SUPT20H: variants seen among roughly 807,000 people sequenced by gnomAD.
SUPT20H encodes the protein transcription factor SPT20 homolog.
A neutral mutation model predicts 122.8 loss-of-function variants in SUPT20H; 82 were observed. That is an observed-to-expected ratio of 0.67 (90% CI 0.56 to 0.80). The LOEUF is 0.80. Among genes scored for constraint, SUPT20H ranks in the 30% least tolerant of loss-of-function variants. The pLI, the probability that SUPT20H is intolerant of heterozygous loss-of-function variation, is 0.00. For synonymous variants in SUPT20H, 291 were observed against 313.0 expected, an observed-to-expected ratio of 0.93 and a Z score of 0.74; for missense variants, 831 against 921.6, an observed-to-expected ratio of 0.90 and a Z score of 1.27.
At chr13:37,058,053 C>A (rs1025154406) in intron 1 of SUPT20H, among the ~76,000 whole-genome samples, 4 of 149,974 alleles carry the variant, frequency 2.7e-5, no homozygotes, top group African/African-American at 9.8e-5. Flanking sequence ...CACTTGAGGT[C>A]AGGAATTCGA....
At chr13:37,044,368 A>G (rs370268385) in intron 6 of SUPT20H, among the ~76,000 whole-genome samples, 187 bp from the exon 7 acceptor site, 11 of 152,274 alleles carry the variant, frequency 7.2e-5, no homozygotes, top group African/African-American at 2.6e-4. Context: ...TAAGGGGGAA[A>G]AAAAAAACCT....
intron 25 of SUPT20H, 124 bp from the exon 26 acceptor site, chr13:37,009,933 A>T: frequency 7.5e-7 from 1 of 1,338,576 alleles, no homozygotes; most frequent in Non-Finnish European, 1.0e-6. Flanking sequence ...ACAAAAAGGG[A>T]CTATACCACA....
chr13:37,028,228 C>G lies in SUPT20H; in HGVS notation c.1071G>C (p.Ser357=), dbSNP rs374095346. 1 of 1,613,298 alleles carries G rather than the reference C, an allele frequency of 6.2e-7. No homozygotes were observed. Among genetic ancestry groups the G allele is most frequent in the Admixed American group, 1.7e-5 (1 of 59,848 alleles). Residue 357 remains serine (S), a synonymous_variant, in exon 14 of 26, where the codon TCG becomes TCC. Coordinates refer to ENST00000350612, the MANE Select transcript of SUPT20H (RefSeq NM_001014286.3). Reference sequence around the variant, plus strand: ...TACCATAGTAAAGTGGATCTCCAAGCGACTGCAAGATGGTCAGCTTTGTTT... The same window carrying G: ...TACCATAGTAAAGTGGATCTCCAAGGGACTGCAAGATGGTCAGCTTTGTTT... ...YQKTKLTILQ[S]LGDPLYYGKI...
At chr13:37,046,341 A>T (rs1015956374) in intron 5 of SUPT20H, among the ~76,000 whole-genome samples, 15 of 152,242 alleles carry the variant, frequency 9.9e-5, no homozygotes, top group East Asian at 3.9e-4. Context: ...AATTAGATAA[A>T]TTTTTACAGT....
rs1318843064 is a variant in SUPT20H at position 37,009,591 on chromosome 13, A to G, written c.*81T>C. On this transcript the variant is annotated 3_prime_UTR_variant, in exon 26 of 26. Transcript: ENST00000350612. ...GCAATGTAAAATACTGACACATTAA[A>G]AAAAACAAAAAGTAGAAACTCAATT... 1.9e-5 allele frequency: 30 copies of G among 1,565,222 alleles called. 1 individual carries two copies. Among genetic ancestry groups the G allele is most frequent in the Non-Finnish European group, 2.6e-5 (30 of 1,137,374 alleles).
chr13:37,040,248 C>G (rs369298964), intron 9 of SUPT20H, 157 bp downstream of exon 9: 21 of 665,786 alleles, frequency 3.2e-5, no homozygotes, highest in Non-Finnish European at 4.9e-5. Flanking sequence ...TAAAGAGACC[C>G]TTAACTTCTA....
Position 37,024,103 on chromosome 13 carries a change from G to T in SUPT20H, c.1523C>A (p.Ser508Ter). 1 of 1,613,826 alleles carries T rather than the reference G, an allele frequency of 6.2e-7. No individual in the cohort carries two copies. The highest frequency in any genetic ancestry group is 8.5e-7 in the Non-Finnish European group (1 of 1,179,808). The change falls in exon 19 of 26, where the codon TCA (serine) becomes TAA (stop). Residue 508 changes from serine to a stop codon, truncating the protein, a stop_gained. Transcript: ENST00000350612. LOFTEE classifies it high-confidence loss of function. ...SSKPSSIPRK[S>*]SVDLNQVSML... The stretch of plus-strand genomic sequence containing the variant: ...GCTAACTTGATTGAGATCCACAGAT[G>T]ATTTCCGAGGAATACTTGATGGCTT...
chr13:37,031,849 G>C lies in SUPT20H; in HGVS notation c.754C>G (p.Leu252Val). 2.5e-6 allele frequency: 4 copies of C among 1,604,860 alleles called. No individual in the cohort carries two copies. Among genetic ancestry groups the C allele is most frequent in the Non-Finnish European group, 3.4e-6 (4 of 1,177,326 alleles). Reference protein sequence around the residue: ...SRSSLNRQQDLSHCPPPPQLR... With the variant: ...SRSSLNRQQDVSHCPPPPQLR... ...TGAGGAGGAGGTGGACAATGAGATA[G>C]ATCTTGCTGCCGATTCAGAGAGGAT... Residue 252 changes from leucine to valine, a missense_variant, in exon 11 of 26, where the codon CTA becomes GTA. Transcript: ENST00000350612.
rs111892631 is a variant in SUPT20H at position 37,044,902 on chromosome 13, G to A, written c.292+345C>T. 2.3e-3 allele frequency among the ~76,000 whole-genome samples: 346 copies of A among 151,924 alleles called. 2 individuals carry two copies. The highest frequency in any genetic ancestry group is 7.9e-3 in the African/African-American group (327 of 41,474). On this transcript the variant is annotated intron_variant, in intron 6 of 25. Coordinates refer to ENST00000350612, the MANE Select transcript of SUPT20H (RefSeq NM_001014286.3). ...AATATAAATAGCAATAGAATGAAAG[G>A]AAATTCTATTTTAATCATCTGTAAG...
chr13:37,009,688 G>A lies in SUPT20H; in HGVS notation c.2324C>T (p.Thr775Ile). 1 of 1,613,788 alleles carries A rather than the reference G, an allele frequency of 6.2e-7. No homozygotes were observed. The highest frequency in any genetic ancestry group is 1.3e-5 in the African/African-American group (1 of 74,962). ...ATGCAAGACTCAAAATTTTGGAGTG[G>A]TTGGCGTGCCTCTCTTCATTTTACT... ...SKSKMKRGTPTTPKF is the reference protein window; with the variant it reads ...SKSKMKRGTPITPKF Residue 775 changes from threonine to isoleucine, a missense_variant, in exon 26 of 26, where the codon ACC becomes ATC. Thr to Ile is a moderately conservative substitution (Grantham distance 89). Coordinates refer to ENST00000350612, the MANE Select transcript of SUPT20H (RefSeq NM_001014286.3).
At chr13:37,042,147 A>G (rs1203840038) in intron 7 of SUPT20H, among the ~76,000 whole-genome samples, 1 of 152,224 alleles carries the variant, frequency 6.6e-6, no homozygotes, top group Non-Finnish European at 1.5e-5. Flanking sequence ...ACTGGGCACG[A>G]TCATGTATCT....
intron 9 of SUPT20H, among the ~76,000 whole-genome samples, chr13:37,037,154 G>C (rs1566259146): frequency 1.4e-5 from 2 of 146,040 alleles, no homozygotes. Context: ...CTGAGATTGT[G>C]CCAATGCACT....
chr13:37,041,346 T>C (rs1224296861), intron 7 of SUPT20H, among the ~76,000 whole-genome samples: 1 of 151,794 alleles, frequency 6.6e-6, no homozygotes, highest in Non-Finnish European at 1.5e-5. Context: ...TGAAACTGCG[T>C]CTCTACTAAA....
chr13:37,019,874 A>T (rs7321231), intron 21 of SUPT20H, among the ~76,000 whole-genome samples: 3,624 of 152,190 alleles, frequency 0.024, 105 homozygotes, highest in African/African-American at 0.071. Context: ...AGAATGTTGC[A>T]ATTTGTGTAT....
rs1348408960 is a variant in SUPT20H at position 37,040,634 on chromosome 13, C to T, written c.455G>A (p.Ser152Asn). 6.2e-7 allele frequency: 1 copy of T among 1,614,134 alleles called. No individual in the cohort carries two copies. Among genetic ancestry groups the T allele is most frequent in the Non-Finnish European group, 8.5e-7 (1 of 1,180,002 alleles). ...IAEIRDYRQSSNMKSPGYQSR... is the reference protein window; with the variant it reads ...IAEIRDYRQSNNMKSPGYQSR... The stretch of plus-strand genomic sequence containing the variant: ...TTGGTAACCAGGAGATTTCATGTTA[C>T]TGGACTGCCTGTAGTCACGTATTTC... The change falls in exon 8 of 26, where the codon AGT becomes AAT. Residue 152 changes from serine to asparagine, a missense_variant. Coordinates refer to ENST00000350612, the MANE Select transcript of SUPT20H (RefSeq NM_001014286.3).
intron 4 of SUPT20H, 23 bp from the exon 5 acceptor site, chr13:37,047,624 A>C: frequency 1.5e-6 from 2 of 1,357,226 alleles, no homozygotes; most frequent in Non-Finnish European, 2.0e-6. Flanking sequence ...AATGAAACAA[A>C]TATATAAAAT....
chr13:37,026,917 G>A, intron 14 of SUPT20H, 101 bp from the exon 15 acceptor site: 1 of 727,992 alleles, frequency 1.4e-6, no homozygotes, highest in Non-Finnish European at 2.0e-6. Flanking sequence ...AGAATGACTG[G>A]AAGATAATAA....
chr13:37,009,939 C>T, intron 25 of SUPT20H, 130 bp from the exon 26 acceptor site: 2 of 1,292,118 alleles, frequency 1.5e-6, no homozygotes, highest in Non-Finnish European at 1.0e-6. Context: ...AGGGACTATA[C>T]CACATTGAGA....
chr13:37,032,020 C>T (rs905983574), intron 10 of SUPT20H, 125 bp from the exon 11 acceptor site: 3 of 772,848 alleles, frequency 3.9e-6, no homozygotes, highest in Non-Finnish European at 5.8e-6. Context: ...ACATGCCAAG[C>T]ACAGTCCTAG....
Sources: allele counts gnomAD v4.1 joint callset (sites outside exome capture counted in the v4.1 genomes callset), GRCh38; gene constraint gnomAD v4.1.1; transcripts MANE v1.5; gene names NCBI Gene and HGNC (gene_info 2026-07-23, HGNC 2026-07-21).